CNTN5: variants seen among roughly 807,000 people sequenced by gnomAD.
The protein encoded by CNTN5 is contactin-5.
CNTN5 carries 77 observed loss-of-function variants against 129.1 expected under a neutral mutation model. The observed-to-expected ratio is 0.60, with a 90% CI of 0.50 to 0.72. The LOEUF is 0.72. CNTN5 is among the 30% of genes least tolerant of loss of function. The pLI is 0.00. For missense variants in CNTN5, 1,478 were observed against 1,328.8 expected, an observed-to-expected ratio of 1.11 and a Z score of -1.75; for synonymous variants, 509 against 465.6, an observed-to-expected ratio of 1.09 and a Z score of -1.20.
intron 2 of CNTN5, among the ~76,000 whole-genome samples, chr11:99,355,538 G>GAC (rs1022207751): frequency 6.6e-6 from 1 of 152,096 alleles, no homozygotes; most frequent in African/African-American, 2.4e-5. Flanking sequence ...CTTTCTCTTT[G>GAC]ACACACACCA....
intron 13 of CNTN5, among the ~76,000 whole-genome samples, chr11:100,185,193 G>A (rs1440374539): frequency 6.6e-6 from 1 of 152,048 alleles, no homozygotes; most frequent in Non-Finnish European, 1.5e-5. Flanking sequence ...TAAGTCATGG[G>A]CTCAATCAAG....
At chr11:99,674,301 G>GTTT (rs34325595) in intron 3 of CNTN5, among the ~76,000 whole-genome samples, 1 of 148,590 alleles carries the variant, frequency 6.7e-6, no homozygotes, top group African/African-American at 2.4e-5. Flanking sequence ...CCTTTTGATG[G>GTTT]TTTTTTTTTC....
intron 2 of CNTN5, among the ~76,000 whole-genome samples, chr11:99,385,902 C>G (rs1940897820): frequency 6.6e-6 from 1 of 152,114 alleles, no homozygotes; most frequent in South Asian, 2.1e-4. Flanking sequence ...AAAATGACTA[C>G]ATAAATTTGA....
intron 17 of CNTN5, among the ~76,000 whole-genome samples, chr11:100,269,606 T>C (rs1211771375): frequency 6.6e-6 from 1 of 152,050 alleles, no homozygotes; most frequent in African/African-American, 2.4e-5. Context: ...GAGTAAAAAG[T>C]TGTAGGAATG....
chr11:100,231,117 G>A (rs1435403017), intron 16 of CNTN5, among the ~76,000 whole-genome samples: 3 of 152,168 alleles, frequency 2.0e-5, no homozygotes, highest in East Asian at 3.9e-4. Flanking sequence ...CGGTGGGACA[G>A]GATTGGAATA....
intron 6 of CNTN5, among the ~76,000 whole-genome samples, chr11:99,903,779 G>T (rs1949420815): frequency 1.3e-5 from 2 of 152,182 alleles, no homozygotes; most frequent in South Asian, 4.2e-4. Flanking sequence ...TCTGACAAAG[G>T]ATTAATATCC....
intron 3 of CNTN5, among the ~76,000 whole-genome samples, chr11:99,718,135 T>A (rs1168970866): frequency 2.0e-5 from 3 of 152,102 alleles, no homozygotes; most frequent in Admixed American, 2.0e-4. Context: ...CTTACACATC[T>A]TCAGGAATTA....
intron 3 of CNTN5, among the ~76,000 whole-genome samples, chr11:99,601,760 T>C (rs575870052): frequency 1.2e-4 from 18 of 152,298 alleles, no homozygotes; most frequent in Non-Finnish European, 2.5e-4. Context: ...GCTTCCTCTT[T>C]AAATTCTGTG....
chr11:99,771,266 A>G (rs75859723), intron 3 of CNTN5, among the ~76,000 whole-genome samples: 1,711 of 152,200 alleles, frequency 0.011, 31 homozygotes, highest in African/African-American at 0.039. Flanking sequence ...AGACATAGCT[A>G]TACTACTGTG....
intron 17 of CNTN5, among the ~76,000 whole-genome samples, chr11:100,261,297 A>C (rs1950191721): frequency 6.6e-6 from 1 of 152,182 alleles, no homozygotes; most frequent in South Asian, 2.1e-4. Context: ...GAAATAAGAG[A>C]GGACACAAAC....
intron 13 of CNTN5, among the ~76,000 whole-genome samples, chr11:100,086,003 C>T (rs369747546): frequency 6.6e-6 from 1 of 151,880 alleles, no homozygotes; most frequent in South Asian, 2.1e-4. Context: ...ATTCAGGACA[C>T]TTTTGGGAAA....
chr11:100,146,361 A>G (rs914695735), intron 13 of CNTN5, among the ~76,000 whole-genome samples: 9 of 152,178 alleles, frequency 5.9e-5, no homozygotes, highest in African/African-American at 1.9e-4. Context: ...TATTATAATG[A>G]ATTGCCATTA....
intron 8 of CNTN5, among the ~76,000 whole-genome samples, chr11:99,978,324 T>C (rs1454813958): frequency 6.6e-6 from 1 of 152,224 alleles, no homozygotes; most frequent in Non-Finnish European, 1.5e-5. Context: ...GGTTCATTTA[T>C]TATTAAAGAA....
intron 2 of CNTN5, among the ~76,000 whole-genome samples, chr11:99,440,376 T>A (rs1036499470): frequency 1.3e-5 from 2 of 151,314 alleles, no homozygotes; most frequent in Admixed American, 1.3e-4. Flanking sequence ...AAATACAATT[T>A]CTTGTTTATT....
chr11:99,546,735 CT>C (rs1301052524), intron 2 of CNTN5, among the ~76,000 whole-genome samples: 1 of 152,098 alleles, frequency 6.6e-6, no homozygotes, highest in Non-Finnish European at 1.5e-5. Context: ...ACTTTGCGGT[CT>C]GGCCTTCTAT....
chr11:99,388,187 G>A (rs1941029448), intron 2 of CNTN5, among the ~76,000 whole-genome samples: 1 of 151,788 alleles, frequency 6.6e-6, no homozygotes, highest in Non-Finnish European at 1.5e-5. Context: ...AGGCCGAGGC[G>A]GGCAGATCAC....
At chr11:99,297,906 A>T (rs1173806609) in intron 1 of CNTN5, among the ~76,000 whole-genome samples, 2 of 152,198 alleles carry the variant, frequency 1.3e-5, no homozygotes, top group African/African-American at 2.4e-5. Context: ...GATCCAAGCC[A>T]GTTCATTCCT....
intron 3 of CNTN5, among the ~76,000 whole-genome samples, chr11:99,687,640 T>C (rs765292749): frequency 6.6e-6 from 1 of 152,166 alleles, no homozygotes; most frequent in African/African-American, 2.4e-5. Flanking sequence ...TTCCTTAGGC[T>C]TTATGAAAAT....
intron 3 of CNTN5, among the ~76,000 whole-genome samples, chr11:99,798,814 C>A (rs1447570709): frequency 6.6e-6 from 1 of 151,934 alleles, no homozygotes; most frequent in Admixed American, 6.6e-5. Context: ...GATGTTTGTA[C>A]GTTCGTAGGA....
Sources: gnomAD v4.1 joint callset for allele counts (sites outside exome capture counted in the v4.1 genomes callset) on GRCh38, gnomAD v4.1.1 for gene constraint, MANE v1.5 for transcripts, NCBI Gene and HGNC (gene_info 2026-07-23, HGNC 2026-07-21) for gene names.